SLC1A3: variants seen among roughly 807,000 people sequenced by gnomAD.
SLC1A3 encodes the protein excitatory amino acid transporter 1.
A neutral mutation model predicts 48.1 loss-of-function variants in SLC1A3; 21 were observed. That is an observed-to-expected ratio of 0.44 (90% CI 0.31 to 0.63). The LOEUF is 0.63. Ranked by LOEUF, SLC1A3 falls within the 20% of genes least tolerant of loss-of-function variation. The pLI is 0.08. For synonymous variants in SLC1A3, 239 were observed against 251.4 expected (o/e 0.95, Z 0.47); for missense variants, 546 against 689.0 (o/e 0.79, Z 2.32).
At chr5:36,647,109 T>C (rs1244966167) in intron 3 of SLC1A3, among the ~76,000 whole-genome samples, 1 of 152,250 alleles carries the variant, frequency 6.6e-6, no homozygotes, top group Middle Eastern at 3.2e-3. Flanking sequence ...AATATAGGTC[T>C]CATATGACAC....
At chr5:36,644,738 C>T (rs1740766046) in intron 3 of SLC1A3, among the ~76,000 whole-genome samples, 1 of 152,198 alleles carries the variant, frequency 6.6e-6, no homozygotes, top group Non-Finnish European at 1.5e-5. Context: ...TAGCTGCTCC[C>T]TATCCTAAAT....
At chr5:36,611,692 C>T (rs1454632444) in intron 2 of SLC1A3, among the ~76,000 whole-genome samples, 1 of 152,142 alleles carries the variant, frequency 6.6e-6, no homozygotes, top group East Asian at 1.9e-4. Context: ...TCTGCCAGGG[C>T]TGTTGTGGAC....
upstream of SLC1A3, among the ~76,000 whole-genome samples, chr5:36,604,171 G>A (rs1400877936): frequency 1.3e-5 from 2 of 152,086 alleles, no homozygotes; most frequent in African/African-American, 2.4e-5. Flanking sequence ...TTTTCAGCAG[G>A]AACAGCATTT....
intron 2 of SLC1A3, among the ~76,000 whole-genome samples, chr5:36,614,475 A>G (rs962261184): frequency 6.6e-5 from 10 of 152,162 alleles, no homozygotes; most frequent in Admixed American, 6.5e-5. Flanking sequence ...TGCAGAAATG[A>G]AAGCCTCAGA....
At chr5:36,600,551 C>T (rs1482764830) in intron 1 of SLC1A3, among the ~76,000 whole-genome samples, 1 of 152,120 alleles carries the variant, frequency 6.6e-6, no homozygotes, top group Non-Finnish European at 1.5e-5. Context: ...AGTCATCCTG[C>T]GTTAATTCTA....
At chr5:36,637,766 G>C (rs565279060) in intron 3 of SLC1A3, among the ~76,000 whole-genome samples, 1 of 152,272 alleles carries the variant, frequency 6.6e-6, no homozygotes, top group African/African-American at 2.4e-5. Context: ...TCCGAAGTGA[G>C]ACACTGTCTT....
intron 2 of SLC1A3, among the ~76,000 whole-genome samples, chr5:36,615,346 A>G (rs1207608207): frequency 6.6e-6 from 1 of 152,250 alleles, no homozygotes; most frequent in Non-Finnish European, 1.5e-5. Context: ...ATATCTGAAT[A>G]TATAGAATAA....
chr5:36,620,635 G>C (rs1294755484), intron 2 of SLC1A3, among the ~76,000 whole-genome samples: 1 of 152,132 alleles, frequency 6.6e-6, no homozygotes. Context: ...TTGTTCATTC[G>C]TTCAACAATA....
intron 3 of SLC1A3, among the ~76,000 whole-genome samples, chr5:36,658,016 G>A (rs545380298): frequency 6.6e-6 from 1 of 152,264 alleles, no homozygotes; most frequent in African/African-American, 2.4e-5. Context: ...CCTGTTTTGG[G>A]CAGGCAATGT....
intron 2 of SLC1A3, among the ~76,000 whole-genome samples, chr5:36,628,650 T>C (rs948595299): frequency 3.2e-4 from 49 of 152,216 alleles, no homozygotes; most frequent in African/African-American, 1.2e-3. Context: ...CCAATACCTT[T>C]ATTAATTTCT....
chr5:36,679,947 C>G, intron 7 of SLC1A3, 87 bp downstream of exon 7: 1 of 899,522 alleles, frequency 1.1e-6, no homozygotes, highest in South Asian at 1.4e-5. Flanking sequence ...CCATTTTATT[C>G]TGAGTTTTAA....
intron 3 of SLC1A3, among the ~76,000 whole-genome samples, chr5:36,639,090 C>T (rs1395697771): frequency 6.6e-6 from 1 of 152,188 alleles, no homozygotes; most frequent in African/African-American, 2.4e-5. Context: ...AGTGCTAGAC[C>T]TGTTGCTGGA....
chr5:36,679,894 T>A (rs932175939), intron 7 of SLC1A3, 34 bp downstream of exon 7: 1 of 1,498,416 alleles, frequency 6.7e-7, no homozygotes, highest in Admixed American at 1.7e-5. Context: ...GAGTCTGAAA[T>A]GTTACCTTGA....
At chr5:36,682,472 C>A (rs1302779145) in intron 8 of SLC1A3, among the ~76,000 whole-genome samples, 1 of 151,892 alleles carries the variant, frequency 6.6e-6, no homozygotes, top group Non-Finnish European at 1.5e-5. Context: ...TCTCAGCTCA[C>A]CTGTAACCTA....
At chr5:36,641,099 A>C (rs1740601243) in intron 3 of SLC1A3, among the ~76,000 whole-genome samples, 1 of 152,120 alleles carries the variant, frequency 6.6e-6, no homozygotes, top group South Asian at 2.1e-4. Flanking sequence ...CCAGTGCTTT[A>C]TATTAATTAC....
intron 3 of SLC1A3, among the ~76,000 whole-genome samples, chr5:36,659,347 G>A (rs1741413584): frequency 6.6e-6 from 1 of 152,230 alleles, no homozygotes. Flanking sequence ...GTGCCTGGCA[G>A]TAGGCTCTAA....
intron 3 of SLC1A3, chr5:36,636,444 C>G (rs1740358644): frequency 7.1e-6 from 1 of 140,050 alleles, no homozygotes; most frequent in South Asian, 2.3e-4. Context: ...GGGGTCTTTT[C>G]TTTTTCTTTC....
At chr5:36,633,898 G>A (rs898239367) in intron 3 of SLC1A3, among the ~76,000 whole-genome samples, 13 of 152,188 alleles carry the variant, frequency 8.5e-5, no homozygotes, top group Non-Finnish European at 1.5e-4. Flanking sequence ...AAGGAGATAA[G>A]TAACAATGTT....
chr5:36,644,176 A>C (rs1740746262), intron 3 of SLC1A3, among the ~76,000 whole-genome samples: 1 of 148,890 alleles, frequency 6.7e-6, no homozygotes, highest in South Asian at 2.3e-4. Flanking sequence ...CCAAAACCAA[A>C]AAGGAAATAC....
Sources: allele counts gnomAD v4.1 joint callset (sites outside exome capture counted in the v4.1 genomes callset), GRCh38; gene constraint gnomAD v4.1.1; transcripts MANE v1.5; gene names NCBI Gene and HGNC (gene_info 2026-07-23, HGNC 2026-07-21).